The following WDFY4 variants were observed in gnomAD, a reference collection of about 807,000 sequenced individuals.
WDFY4 encodes the protein WDFY family member 4.
A neutral mutation model predicts 351.9 loss-of-function variants in WDFY4; 169 were observed. The ratio of observed to expected loss-of-function variants is 0.48; its 90% CI spans 0.42 to 0.55. WDFY4 has a LOEUF of 0.55. WDFY4 is among the 20% of genes least tolerant of loss of function. The probability of loss-of-function intolerance (pLI) is 0.00; values close to 1 mark genes in which losing one functional copy is unlikely to be tolerated. For missense variants in WDFY4, 3,803 were observed against 3,935.6 expected (o/e 0.97, Z 0.90); for synonymous variants, 1,622 against 1,574.6 (o/e 1.03, Z -0.71).
At chr10:48,928,290 A>G (rs1201145025) in intron 47 of WDFY4, among the ~76,000 whole-genome samples, 1 of 151,798 alleles carries the variant, frequency 6.6e-6, no homozygotes, top group Non-Finnish European at 1.5e-5. Context: ...AGAGGATGTA[A>G]AAGTGGCTGC....
At chr10:48,943,559 C>T in intron 49 of WDFY4, 110 bp downstream of exon 49, 2 of 1,183,030 alleles carry the variant, frequency 1.7e-6, no homozygotes, top group South Asian at 1.8e-5. Flanking sequence ...TCACATGAAC[C>T]TGGGTACCTG....
At chr10:48,751,403 G>GGATGGGCAGAGAT (rs1324702109) in intron 12 of WDFY4, among the ~76,000 whole-genome samples, 1 of 152,194 alleles carries the variant, frequency 6.6e-6, no homozygotes, top group Non-Finnish European at 1.5e-5. Flanking sequence ...CTATAGGGAT[G>GGATGGGCAGAGAT]GATGGGCAGA....
chr10:48,914,206 A>G (rs1286121703), intron 47 of WDFY4: 2 of 1,556,470 alleles, frequency 1.3e-6, no homozygotes, highest in East Asian at 2.3e-5. Flanking sequence ...TTGGATAGTG[A>G]TCAGTGTGAG....
At chr10:48,945,403 C>G (rs967926885) in intron 49 of WDFY4, among the ~76,000 whole-genome samples, 3 of 152,114 alleles carry the variant, frequency 2.0e-5, no homozygotes, top group Non-Finnish European at 2.9e-5. Context: ...GAGAGATACA[C>G]AGGTACCTCC....
intron 39 of WDFY4, among the ~76,000 whole-genome samples, chr10:48,849,737 A>T (rs190918911): frequency 2.1e-4 from 32 of 152,330 alleles, no homozygotes; most frequent in Admixed American, 1.5e-3. Context: ...TTACCATGAA[A>T]CATTTGTCAA....
intron 40 of WDFY4, among the ~76,000 whole-genome samples, chr10:48,868,643 A>G (rs1470960081): frequency 6.6e-6 from 1 of 152,196 alleles, no homozygotes; most frequent in Non-Finnish European, 1.5e-5. Context: ...CTGAGGGGGA[A>G]ATAAGATGAA....
At chr10:48,811,958 C>A (rs900622466) in intron 30 of WDFY4, among the ~76,000 whole-genome samples, 11 of 152,150 alleles carry the variant, frequency 7.2e-5, no homozygotes, top group Non-Finnish European at 1.6e-4. Context: ...TGGATCAGTT[C>A]TATTTTAAAA....
chr10:48,867,043 G>A (rs771805245), intron 39 of WDFY4, among the ~76,000 whole-genome samples: 12 of 152,088 alleles, frequency 7.9e-5, no homozygotes, highest in East Asian at 3.9e-4. Context: ...GGTGGTGGGC[G>A]CCTGAAATCC....
rs2132632336 is a variant in WDFY4 at position 48,776,751 on chromosome 10, G to A, written c.2865G>A (p.Gly955=). ...HTHRGNPGCS[G]SQTAQGLAEG... ...CTCTTCTCTTGCTTGCTGCCCTAGG[G>A]TCACAGACTGCACAGGGCTTGGCTG... Residue 955 remains glycine (G), a splice_region_variant and synonymous_variant, in exon 16 of 62, where the codon GGG becomes GGA. Transcript: ENST00000325239. The A allele has an allele frequency of 6.5e-7, 1 of 1,540,722 alleles. No individual in the cohort carries two copies. Among genetic ancestry groups the A allele is most frequent in the East Asian group, 2.5e-5 (1 of 40,766 alleles).
Position 48,770,051 on chromosome 10 carries a change from T to C in WDFY4, c.2554-4407T>C, listed in dbSNP as rs554082886. ...AGGAGGAGAAACCACACTGGTTTCC[T>C]GCTACTGCTATCTTCACTAAAACCC... is the stretch of plus-strand genomic sequence containing the variant. On this transcript the variant is annotated intron_variant, in intron 13 of 61. Transcript: ENST00000325239. Among the ~76,000 whole-genome samples the C allele has an allele frequency of 2.4e-4, 37 of 152,340 alleles. 1 individual carries two copies. In the South Asian group the frequency reaches 7.0e-3, roughly 29 times the overall value.
At chr10:48,843,814 AG>A (rs2068685032) in intron 39 of WDFY4, among the ~76,000 whole-genome samples, 1 of 152,254 alleles carries the variant, frequency 6.6e-6, no homozygotes, top group Non-Finnish European at 1.5e-5. Flanking sequence ...TCACCATCCC[AG>A]GAGATGTTTT....
In WDFY4 at chr10:48,877,191, A is replaced by G; in HGVS notation, c.7159A>G (p.Lys2387Glu). Residue 2387 changes from lysine to glutamate, a missense_variant, in exon 43 of 62, where the codon AAA (lysine) becomes GAA (glutamate). This residue lies in a region of WDFY4 where 3,054 missense variants were observed against 3,148.6 expected (regional missense o/e 0.97). Transcript: ENST00000325239. ...AGTTATTTTACAAGAGCTTCTTGAT[A>G]AAGAAAAGGTAATATACCCCATTGC... is the stretch of plus-strand genomic sequence containing the variant. ...RQVILQELLD[K>E]EKVTQKFSLV... is the part of the protein sequence containing the mutation. 1 of 1,551,578 alleles carries G rather than the reference A, an allele frequency of 6.4e-7. No homozygotes were observed. The highest frequency in any genetic ancestry group is 8.7e-7 in the Non-Finnish European group (1 of 1,146,890).
At position 48,868,850 on chromosome 10, in the gene WDFY4, GT is replaced by G. The variant is rs1333884421; in HGVS notation, c.6741+1510del. ...GCCCTGGGGTACTTTGTGAAATTCTGTTGAGATCTGTGAGATTATAGGTTCT... is the reference window on the plus strand; with the variant it reads ...GCCCTGGGGTACTTTGTGAAATTCTGTGAGATCTGTGAGATTATAGGTTCT... On this transcript the variant is annotated intron_variant, in intron 40 of 61. Transcript: ENST00000325239. Among the ~76,000 whole-genome samples the G allele has an allele frequency of 4.6e-5, 7 of 152,264 alleles. No homozygotes were observed. In the South Asian group the frequency reaches 8.3e-4, roughly 18 times the overall value.
intron 11 of WDFY4, among the ~76,000 whole-genome samples, chr10:48,737,460 T>C (rs1427116455): frequency 2.6e-5 from 4 of 152,234 alleles, no homozygotes; most frequent in Non-Finnish European, 2.9e-5. Flanking sequence ...ATTTAGAGAA[T>C]GGTGTTTGTT....
intron 47 of WDFY4, chr10:48,913,740 G>C (rs11101561): frequency 5.0e-6 from 8 of 1,613,262 alleles, no homozygotes; most frequent in Non-Finnish European, 5.9e-6. Flanking sequence ...GGCCCCCAGT[G>C]TGGTGGGCAC....
At chr10:48,887,156 T>C (rs961638130) in intron 43 of WDFY4, among the ~76,000 whole-genome samples, 1 of 152,246 alleles carries the variant, frequency 6.6e-6, no homozygotes, top group African/African-American at 2.4e-5. Flanking sequence ...CACCAGATCA[T>C]AGGCATGTGC....
chr10:48,692,166 T>C (rs547937486), intron 1 of WDFY4, among the ~76,000 whole-genome samples: 88 of 152,286 alleles, frequency 5.8e-4, no homozygotes, highest in African/African-American at 9.6e-5. Context: ...GTAGGGTGAT[T>C]GAATGGCCAG....
intron 24 of WDFY4, chr10:48,802,788 T>C (rs2067128006): frequency 2.1e-6 from 1 of 472,100 alleles, no homozygotes; most frequent in African/African-American, 2.0e-5. Flanking sequence ...GCAAATTGGG[T>C]ATGTAGTCAG....
chr10:48,820,321 A>T lies in WDFY4; in HGVS notation c.5593A>T (p.Thr1865Ser). ...DSTVEGLQAP[T>S]KAHPARRKLR... ...CACAGTGGAGGGTCTCCAGGCTCCCACCAAGGCACATCCCGCCCGGAGGAA... is the reference window on the plus strand; with the variant it reads ...CACAGTGGAGGGTCTCCAGGCTCCCTCCAAGGCACATCCCGCCCGGAGGAA... The change falls in exon 33 of 62, where the codon ACC (threonine) becomes TCC (serine). Residue 1865 changes from threonine (T) to serine (S), a missense_variant. By Grantham distance (58) the Thr-to-Ser change is moderately conservative. Around this residue, in one of 3 missense-constraint regions of WDFY4, gnomAD observed 3,054 missense variants for 3,148.6 expected, o/e 0.97. Transcript: ENST00000325239. 6.4e-7 allele frequency: 1 copy of T among 1,551,578 alleles called. No individual in the cohort carries two copies. Among genetic ancestry groups the T allele is most frequent in the Non-Finnish European group, 8.7e-7 (1 of 1,146,978 alleles).
Sources: gnomAD v4.1 joint callset for allele counts (sites outside exome capture counted in the v4.1 genomes callset) on GRCh38, gnomAD v4.1.1 for gene constraint, gnomAD v4.1.1 regional missense constraint, MANE v1.5 for transcripts, NCBI Gene and HGNC (gene_info 2026-07-23, HGNC 2026-07-21) for gene names.